PARD3B: variants seen among roughly 807,000 people sequenced by gnomAD.
PARD3B encodes the protein par-3 family cell polarity regulator beta.
A neutral mutation model predicts 130.2 loss-of-function variants in PARD3B; 103 were observed. The observed-to-expected ratio is 0.79, with a 90% CI of 0.67 to 0.93. The LOEUF (loss-of-function observed/expected upper bound fraction) is 0.93, where lower values mean the gene tolerates loss of function less well. PARD3B is among the 40% of genes least tolerant of loss of function. The pLI is 0.00. For missense variants in PARD3B, 1,609 were observed against 1,499.2 expected, an observed-to-expected ratio of 1.07 and a Z score of -1.21; for synonymous variants, 583 against 553.2, an observed-to-expected ratio of 1.05 and a Z score of -0.76.
rs2033716474 is a variant in PARD3B at position 204,606,185 on chromosome 2, T to G, written c.120+60066T>G. 6.6e-6 allele frequency among the ~76,000 whole-genome samples: 1 copy of G among 152,208 alleles called. No individual in the cohort carries two copies. The highest frequency in any genetic ancestry group is 1.5e-5 in the Non-Finnish European group (1 of 68,028). ...TCAATACCTGGATCAGATTTTTGTC[T>G]TTGAGTTTGCCACACATGTGGCATA... On this transcript the variant is annotated intron_variant, in intron 1 of 22. Transcript: ENST00000406610. The surrounding 1 kb of genome is among the most constrained non-coding windows in gnomAD (Gnocchi z 4.0).
chr2:205,288,540 A>G lies in PARD3B; in HGVS notation c.2186-11990A>G, dbSNP rs1277314428. 6.6e-6 allele frequency among the ~76,000 whole-genome samples: 1 copy of G among 152,238 alleles called. No individual in the cohort carries two copies. The highest frequency in any genetic ancestry group is 2.4e-5 in the African/African-American group (1 of 41,536). The stretch of plus-strand genomic sequence containing the variant: ...GCGTTTACTCTGGTAAAAAAACTTC[A>G]TGGCTTTCTATTGTCCCCTAATTTG... On this transcript the variant is annotated intron_variant, in intron 16 of 22. Coordinates refer to ENST00000406610, the MANE Select transcript of PARD3B (RefSeq NM_001302769.2). This position sits in a 1 kb window ranked among gnomAD's most constrained non-coding sequence, Gnocchi z 4.0.
rs2055422014 is a variant in PARD3B, at chr2:205,616,008, CA to C, written c.*196del. The stretch of plus-strand genomic sequence containing the variant: ...AAGGGAATTGGGGAGGAAAAAAAAT[CA>C]GAAGGAAGACGAAAGATGGGGCTAT... On this transcript the variant is annotated 3_prime_UTR_variant, in exon 23 of 23. Transcript: ENST00000406610. 1 of 561,950 alleles carries C rather than the reference CA, an allele frequency of 1.8e-6. No homozygotes were observed. Among genetic ancestry groups the C allele is most frequent in the Non-Finnish European group, 3.1e-6 (1 of 326,246 alleles). The allele number at this position is 561,950 out of a possible 1,614,324, so 34.8% of individuals were successfully genotyped here.
intron 22 of PARD3B, among the ~76,000 whole-genome samples, chr2:205,586,730 C>T (rs1050718284): frequency 6.6e-6 from 1 of 152,056 alleles, no homozygotes; most frequent in African/African-American, 2.4e-5. Flanking sequence ...CTATACTTGA[C>T]ACATTGCCTA....
At chr2:205,457,938 A>C (rs959881256) in intron 20 of PARD3B, among the ~76,000 whole-genome samples, 3 of 152,202 alleles carry the variant, frequency 2.0e-5, no homozygotes, top group Non-Finnish European at 4.4e-5. Flanking sequence ...GAATGCTCAA[A>C]CAATAAGTAT....
intron 4 of PARD3B, among the ~76,000 whole-genome samples, chr2:205,089,387 TC>T (rs1701961041): frequency 6.6e-6 from 1 of 152,046 alleles, no homozygotes; most frequent in South Asian, 2.1e-4. Context: ...GCCAGGCTGG[TC>T]TTGAACTCCT....
rs1559359013 is a variant in PARD3B at position 205,017,956 on chromosome 2, A to T, written c.395-29625A>T. Among the ~76,000 whole-genome samples the T allele has an allele frequency of 2.6e-5, 4 of 152,304 alleles. No individual in the cohort carries two copies. In the South Asian group the frequency reaches 8.3e-4, roughly 32 times the overall value. On this transcript the variant is annotated intron_variant, in intron 3 of 22. Coordinates refer to ENST00000406610, the MANE Select transcript of PARD3B (RefSeq NM_001302769.2). ...TAAGGAACTAGAACTCTAGTTTGAA[A>T]ATCTGTGTTTTTAAATAACACTGGA... is the stretch of plus-strand genomic sequence containing the variant.
At chr2:204,871,317 C>T (rs954924985) in intron 2 of PARD3B, among the ~76,000 whole-genome samples, 14 of 152,096 alleles carry the variant, frequency 9.2e-5, no homozygotes, top group African/African-American at 3.1e-4. Context: ...CTATAAACAA[C>T]TCAACAGACT....
At chr2:205,009,175 T>C (rs1695509269) in intron 3 of PARD3B, among the ~76,000 whole-genome samples, 1 of 152,214 alleles carries the variant, frequency 6.6e-6, no homozygotes, top group South Asian at 2.1e-4. Context: ...TTGGGATATT[T>C]ATAGTAACTA....
intron 21 of PARD3B, among the ~76,000 whole-genome samples, chr2:205,543,564 G>A (rs763065567): frequency 6.6e-5 from 10 of 152,152 alleles, no homozygotes; most frequent in Non-Finnish European, 1.3e-4. Flanking sequence ...GCCAACATAC[G>A]AGCAGCATTG....
intron 21 of PARD3B, among the ~76,000 whole-genome samples, chr2:205,536,253 C>G (rs1252134230): frequency 6.6e-6 from 1 of 151,860 alleles, no homozygotes; most frequent in Non-Finnish European, 1.5e-5. Flanking sequence ...GCTGAATTGA[C>G]TTTTGATTTT....
intron 20 of PARD3B, among the ~76,000 whole-genome samples, chr2:205,491,492 A>T (rs1559143320): frequency 6.6e-6 from 1 of 152,066 alleles, no homozygotes; most frequent in Non-Finnish European, 1.5e-5. Context: ...CCAGTACCAT[A>T]CTGTTTTGTT....
chr2:205,058,829 T>C (rs1291550116), intron 4 of PARD3B, among the ~76,000 whole-genome samples: 1 of 152,034 alleles, frequency 6.6e-6, no homozygotes, highest in Non-Finnish European at 1.5e-5. Flanking sequence ...TTTCTATATA[T>C]GCTGGATATT....
intron 2 of PARD3B, among the ~76,000 whole-genome samples, chr2:204,733,916 T>G (rs890641798): frequency 5.9e-5 from 9 of 152,196 alleles, no homozygotes; most frequent in African/African-American, 2.2e-4. Flanking sequence ...TTTTTGTTAT[T>G]GCAATTGTAG....
chr2:205,282,371 T>G (rs920837688), intron 16 of PARD3B, among the ~76,000 whole-genome samples: 2 of 151,880 alleles, frequency 1.3e-5, no homozygotes, highest in African/African-American at 4.8e-5. Flanking sequence ...CCCTAGCCTT[T>G]TAAGAAGCCA....
chr2:204,631,362 G>T (rs1315726924), intron 1 of PARD3B, among the ~76,000 whole-genome samples: 1 of 151,528 alleles, frequency 6.6e-6, no homozygotes, highest in East Asian at 1.9e-4. Flanking sequence ...CAATTCTCCT[G>T]CCTCAGCCTC....
intron 1 of PARD3B, among the ~76,000 whole-genome samples, chr2:204,576,850 A>G (rs2032285156): frequency 1.3e-5 from 2 of 152,194 alleles, no homozygotes; most frequent in Non-Finnish European, 1.5e-5. Flanking sequence ...GATCATAACA[A>G]CAATATGGAA....
chr2:204,800,921 T>G (rs1164955904), intron 2 of PARD3B, among the ~76,000 whole-genome samples: 2 of 152,224 alleles, frequency 1.3e-5, no homozygotes, highest in Non-Finnish European at 2.9e-5. Flanking sequence ...GTTTCAGTTT[T>G]CCTCGTATGG....
intron 22 of PARD3B, among the ~76,000 whole-genome samples, chr2:205,554,942 T>G (rs1258840822): frequency 1.3e-5 from 2 of 151,968 alleles, no homozygotes; most frequent in Non-Finnish European, 2.9e-5. Flanking sequence ...GTGCGGGAGG[T>G]GCAGTCCTGG....
At chr2:204,981,100 A>G (rs1692627473) in intron 3 of PARD3B, among the ~76,000 whole-genome samples, 1 of 152,208 alleles carries the variant, frequency 6.6e-6, no homozygotes, top group Admixed American at 6.5e-5. Flanking sequence ...ATGAAAGAAT[A>G]CCAGCTCTTG....
Sources: allele counts gnomAD v4.1 joint callset (sites outside exome capture counted in the v4.1 genomes callset), GRCh38; gene constraint gnomAD v4.1.1; non-coding constraint Gnocchi (gnomAD v3.1); transcripts MANE v1.5; gene names NCBI Gene and HGNC (gene_info 2026-07-23, HGNC 2026-07-21).